PSMD11: variants seen among roughly 807,000 people sequenced by gnomAD.
PSMD11 encodes the protein proteasome 26S subunit, non-ATPase 11.
A neutral mutation model predicts 62.3 loss-of-function variants in PSMD11; 5 were observed. The ratio of observed to expected loss-of-function variants is 0.08; its 90% CI spans 0.04 to 0.17. The LOEUF is 0.17. Among genes scored for constraint, PSMD11 ranks in the 10% least tolerant of loss-of-function variants. PSMD11 has a pLI of 1.00. For missense variants in PSMD11, 310 were observed against 512.9 expected (o/e 0.60, Z 3.82); for synonymous variants, 191 against 191.8 (o/e 1.00, Z 0.03).
intron 5 of PSMD11, among the ~76,000 whole-genome samples, chr17:32,465,905 G>A (rs1037859223): frequency 2.0e-5 from 3 of 152,164 alleles, no homozygotes; most frequent in Admixed American, 2.0e-4. Flanking sequence ...AACCCGGGAG[G>A]TGGAGGTTGC....
At chr17:32,476,598 G>A (rs1468965175) in intron 8 of PSMD11, 1 of 152,184 alleles carries the variant, frequency 6.6e-6, no homozygotes, top group Non-Finnish European at 1.5e-5. Flanking sequence ...TAGCTTTTAA[G>A]CAGGAGATAG....
intron 12 of PSMD11, 139 bp downstream of exon 12, chr17:32,480,336 ATG>A (rs1908452025): frequency 6.9e-7 from 1 of 1,441,574 alleles, no homozygotes; most frequent in African/African-American, 1.4e-5. Flanking sequence ...TGTGATGAGA[ATG>A]TGTAATAAGC....
chr17:32,451,175 C>T (rs768779937), intron 2 of PSMD11, among the ~76,000 whole-genome samples: 1 of 151,072 alleles, frequency 6.6e-6, no homozygotes, highest in Admixed American at 6.6e-5. Flanking sequence ...ACTAAGAGAT[C>T]ATTTGCTTCT....
chr17:32,463,430 A>G (rs577732533), intron 3 of PSMD11: 16 of 152,228 alleles, frequency 1.1e-4, no homozygotes, highest in Non-Finnish European at 1.9e-4. Context: ...TCAGGAGCTC[A>G]ATCTGTAACT....
Position 32,449,644 on chromosome 17 carries a change from AT to A in PSMD11, c.193+2599del, listed in dbSNP as rs368053839. ...GCTATTGGAATTTAATAGATGAATT[AT>A]AAGAACTTTCAAAAACATTTCCATG... On this transcript the variant is annotated intron_variant, in intron 2 of 13. Transcript: ENST00000261712. 1.1e-4 allele frequency among the ~76,000 whole-genome samples: 17 copies of A among 152,340 alleles called. No homozygotes were observed. In the South Asian group the frequency reaches 3.5e-3, roughly 32 times the overall value.
intron 10 of PSMD11, 23 bp downstream of exon 10, chr17:32,479,399 A>G: frequency 2.5e-6 from 4 of 1,612,338 alleles, no homozygotes; most frequent in Non-Finnish European, 1.7e-6. Flanking sequence ...TGGGGACTCC[A>G]TTTCTGGCCA....
chr17:32,483,051 TTTCTC>T lies in PSMD11; in HGVS notation c.*2300_*2304del, dbSNP rs1305002183. On this transcript the variant is annotated 3_prime_UTR_variant, in exon 14 of 14. Transcript: ENST00000261712. ...CCTGAGATGCTCAGGCAGTAGCCCT[TTTCTC>T]AGTTCCCTTTGCGGGTCTTGGTCAG... 6.6e-6 allele frequency: 1 copy of T among 152,188 alleles called. No homozygotes were observed. The highest frequency in any genetic ancestry group is 1.5e-5 in the Non-Finnish European group (1 of 68,028). The allele number at this position is 152,188 out of a possible 1,614,324, so 9.4% of individuals were successfully genotyped here.
chr17:32,475,723 C>T (rs1416984497), intron 8 of PSMD11, among the ~76,000 whole-genome samples: 2 of 151,696 alleles, frequency 1.3e-5, no homozygotes, highest in Non-Finnish European at 2.9e-5. Context: ...CTCAGCCTCC[C>T]GAGTAGCTGG....
At chr17:32,454,461 G>A in intron 2 of PSMD11, 34 bp from the exon 3 acceptor site, 1 of 1,607,694 alleles carries the variant, frequency 6.2e-7, no homozygotes. Flanking sequence ...AAATGTTGAT[G>A]TTTACTCCTC....
chr17:32,477,657 T>A (rs771591097), intron 9 of PSMD11, 74 bp downstream of exon 9: 3 of 1,320,610 alleles, frequency 2.3e-6, no homozygotes, highest in Non-Finnish European at 3.2e-6. Context: ...AACACACTTT[T>A]AAAAATAATT....
chr17:32,472,564 G>A (rs1433895231), intron 6 of PSMD11, among the ~76,000 whole-genome samples: 1 of 149,208 alleles, frequency 6.7e-6, no homozygotes, highest in African/African-American at 2.5e-5. Context: ...TTAAGACGGA[G>A]TCTCACTCTG....
At chr17:32,479,479 T>G in intron 10 of PSMD11, 103 bp downstream of exon 10, 1 of 1,475,334 alleles carries the variant, frequency 6.8e-7, no homozygotes, top group Non-Finnish European at 9.1e-7. Context: ...GGGGTGTGCC[T>G]GGTGGGCAAG....
At chr17:32,463,924 A>G (rs1907916823) in intron 3 of PSMD11, 125 bp from the exon 4 acceptor site, 1 of 864,346 alleles carries the variant, frequency 1.2e-6, no homozygotes, top group African/African-American at 1.7e-5. Flanking sequence ...GATACTGTGG[A>G]TCAGACACTA....
chr17:32,475,760 G>A (rs899813917), intron 8 of PSMD11, among the ~76,000 whole-genome samples: 5 of 151,886 alleles, frequency 3.3e-5, no homozygotes, highest in South Asian at 2.1e-4. Context: ...CACTATGCCC[G>A]GCTAATTTTT....
At chr17:32,466,330 C>G (rs902149222) in intron 5 of PSMD11, among the ~76,000 whole-genome samples, 14 of 152,100 alleles carry the variant, frequency 9.2e-5, no homozygotes, top group Non-Finnish European at 1.8e-4. Flanking sequence ...AAAGAAACTT[C>G]CTATTCATTA....
chr17:32,480,035 C>T (rs2150841159), intron 11 of PSMD11, 111 bp from the exon 12 acceptor site: 1 of 1,485,660 alleles, frequency 6.7e-7, no homozygotes. Context: ...TGCATTGTTG[C>T]TATTTTGTTT....
chr17:32,480,914 G>T lies in PSMD11; in HGVS notation c.*162G>T. On this transcript the variant is annotated 3_prime_UTR_variant, in exon 14 of 14. Transcript: ENST00000261712. ...TGTATTCCAGCCAATAGGTGTGCCAGTTTTCATGTAATCTTTACTGGCCCA... is the reference window on the plus strand; with the variant it reads ...TGTATTCCAGCCAATAGGTGTGCCATTTTTCATGTAATCTTTACTGGCCCA... 3.5e-6 allele frequency: 1 copy of T among 287,838 alleles called. No homozygotes were observed. Among genetic ancestry groups the T allele is most frequent in the Admixed American group, 4.9e-5 (1 of 20,288 alleles). The allele number at this position is 287,838 out of a possible 1,614,324, so 17.8% of individuals were successfully genotyped here.
chr17:32,465,505 A>G lies in PSMD11; in HGVS notation c.448+927A>G, dbSNP rs187429193. ...GATCTATTAGGTTGAAGAGTTTCCA[A>G]TATTCAATTTTTGGACTGCAAAAGT... On this transcript the variant is annotated intron_variant, in intron 5 of 13. Transcript: ENST00000261712. 7.2e-5 allele frequency among the ~76,000 whole-genome samples: 11 copies of G among 152,314 alleles called. No homozygotes were observed. The East Asian group carries it at 2.1e-3, about 29-fold the overall frequency.
chr17:32,446,209 T>C (rs995931748), intron 1 of PSMD11, among the ~76,000 whole-genome samples: 1 of 152,208 alleles, frequency 6.6e-6, no homozygotes, highest in African/African-American at 2.4e-5. Flanking sequence ...GTCATGATGC[T>C]TTGTAAGAGT....
Sources: allele counts gnomAD v4.1 joint callset (sites outside exome capture counted in the v4.1 genomes callset), GRCh38; gene constraint gnomAD v4.1.1; transcripts MANE v1.5; gene names NCBI Gene and HGNC (gene_info 2026-07-23, HGNC 2026-07-21).